LRRC7: variants seen among roughly 807,000 people sequenced by gnomAD.
The protein encoded by LRRC7 is leucine-rich repeat-containing protein 7.
A neutral mutation model predicts 175.7 loss-of-function variants in LRRC7; 23 were observed. The observed-to-expected ratio is 0.13, with a 90% CI of 0.09 to 0.19. LRRC7 has a LOEUF of 0.19. Ranked by LOEUF, LRRC7 falls within the 10% of genes least tolerant of loss-of-function variation. The probability of loss-of-function intolerance (pLI) is 1.00; values close to 1 mark genes in which losing one functional copy is unlikely to be tolerated. For missense variants in LRRC7, 1,354 were observed against 1,904.7 expected (o/e 0.71, Z 5.38); for synonymous variants, 685 against 680.9 (o/e 1.01, Z -0.09).
chr1:69,910,952 T>G (rs1414288090), intron 7 of LRRC7, among the ~76,000 whole-genome samples: 1 of 152,204 alleles, frequency 6.6e-6, no homozygotes, highest in Non-Finnish European at 1.5e-5. Flanking sequence ...GATCTCAGAC[T>G]GCTATGCCAG....
rs546467789 is a variant in LRRC7, at chr1:70,132,596, C to G, written c.*10709C>G. Among the ~76,000 whole-genome samples the G allele has an allele frequency of 6.6e-6, 1 of 150,464 alleles. No homozygotes were observed. The highest frequency in any genetic ancestry group is 2.4e-5 in the African/African-American group (1 of 41,040). On this transcript the variant is annotated 3_prime_UTR_variant, in exon 27 of 27. Coordinates refer to ENST00000651989, the MANE Select transcript of LRRC7 (RefSeq NM_001370785.2). ...AAGCGATTCTCCTGCCTCAGCCTCC[C>G]GAGTAGCTGGGATTACAGGCGCCTG...
At chr1:69,610,402 A>G (rs142423529) in intron 1 of LRRC7, among the ~76,000 whole-genome samples, 178 of 152,116 alleles carry the variant, frequency 1.2e-3, no homozygotes, top group African/African-American at 4.0e-3. Flanking sequence ...TCAGTGAGAC[A>G]AGATTGGTCA....
chr1:70,015,172 C>T (rs542283184), intron 13 of LRRC7, among the ~76,000 whole-genome samples: 10 of 151,698 alleles, frequency 6.6e-5, no homozygotes, highest in South Asian at 4.1e-4. Flanking sequence ...AAAAGAATTG[C>T]GATATAATTT....
At chr1:69,647,183 G>A (rs1432702039) in intron 1 of LRRC7, among the ~76,000 whole-genome samples, 5 of 152,094 alleles carry the variant, frequency 3.3e-5, no homozygotes, top group Admixed American at 6.6e-5. Context: ...TAAATGGGCA[G>A]AAAATTAGCC....
intron 25 of LRRC7, among the ~76,000 whole-genome samples, chr1:70,106,794 C>T (rs1262075719): frequency 1.3e-5 from 2 of 152,232 alleles, no homozygotes. Context: ...TGTCCCCTCT[C>T]TCTGCAATTT....
At chr1:69,975,226 A>G (rs1451775315) in intron 8 of LRRC7, among the ~76,000 whole-genome samples, 1 of 152,192 alleles carries the variant, frequency 6.6e-6, no homozygotes, top group Non-Finnish European at 1.5e-5. Context: ...CAATTTATGC[A>G]GTGCATCACA....
At chr1:69,698,877 A>C (rs1017702899) in intron 2 of LRRC7, among the ~76,000 whole-genome samples, 6 of 152,132 alleles carry the variant, frequency 3.9e-5, no homozygotes, top group African/African-American at 1.4e-4. Context: ...TCTTCATTCA[A>C]ATTTTAGATT....
chr1:70,097,715 G>C (rs1400670355), intron 25 of LRRC7, among the ~76,000 whole-genome samples: 1 of 150,482 alleles, frequency 6.6e-6, no homozygotes, highest in Non-Finnish European at 1.5e-5. Context: ...TGCGGTGTTT[G>C]GTTTTTTGTT....
Position 69,955,048 on chromosome 1 carries a change from T to C in LRRC7, c.711+23478T>C, listed in dbSNP as rs559811269. ...ATTTCTTCGTTCATTCAACAACTCT[T>C]AGATGAATGAATACAGCCCATGACT... is the stretch of plus-strand genomic sequence containing the variant. On this transcript the variant is annotated intron_variant, in intron 8 of 26. Transcript: ENST00000651989. Among the ~76,000 whole-genome samples, 5 of 152,190 alleles carry C rather than the reference T, an allele frequency of 3.3e-5. No individual in the cohort carries two copies. In the South Asian group the frequency reaches 1.0e-3, roughly 32 times the overall value.
chr1:69,743,351 A>T (rs1396675818), intron 2 of LRRC7, among the ~76,000 whole-genome samples: 1 of 152,046 alleles, frequency 6.6e-6, no homozygotes, highest in Admixed American at 6.6e-5. Context: ...TGTCTTAAAG[A>T]TGATGATTGA....
intron 2 of LRRC7, among the ~76,000 whole-genome samples, chr1:69,730,978 G>A (rs1667509586): frequency 6.6e-6 from 1 of 152,086 alleles, no homozygotes; most frequent in African/African-American, 2.4e-5. Context: ...AAGCAGTGCC[G>A]AGAAAAAGGG....
chr1:69,810,157 G>A (rs1403688293), intron 4 of LRRC7, among the ~76,000 whole-genome samples: 2 of 152,078 alleles, frequency 1.3e-5, no homozygotes, highest in Non-Finnish European at 2.9e-5. Flanking sequence ...AATCATAAGT[G>A]AACTCCCATT....
chr1:69,796,143 G>C (rs1392840223), intron 4 of LRRC7, among the ~76,000 whole-genome samples: 1 of 108,056 alleles, frequency 9.3e-6, no homozygotes, highest in African/African-American at 3.8e-5. Flanking sequence ...AACAGTCCCT[G>C]GTGTGTGATG....
At chr1:69,924,272 C>T (rs1428867019) in intron 7 of LRRC7, among the ~76,000 whole-genome samples, 2 of 151,804 alleles carry the variant, frequency 1.3e-5, no homozygotes, top group Admixed American at 1.3e-4. Flanking sequence ...CTTAGGATTG[C>T]CTTGGCGATG....
intron 7 of LRRC7, among the ~76,000 whole-genome samples, chr1:69,885,211 C>T (rs1216143852): frequency 0.018 from 2,230 of 127,360 alleles, 83 homozygotes; most frequent in African/African-American, 0.068. Flanking sequence ...CTCCTTGTAC[C>T]TCTGGTAGAA....
At chr1:69,748,562 G>T (rs556686276) in intron 2 of LRRC7, among the ~76,000 whole-genome samples, 1 of 152,078 alleles carries the variant, frequency 6.6e-6, no homozygotes, top group Admixed American at 6.6e-5. Flanking sequence ...TAAAGTATTT[G>T]ATTAAAACAC....
intron 2 of LRRC7, among the ~76,000 whole-genome samples, chr1:69,750,762 G>A (rs937813252): frequency 6.6e-6 from 1 of 152,158 alleles, no homozygotes; most frequent in African/African-American, 2.4e-5. Flanking sequence ...CAGAAGAACA[G>A]AGCCTAAACT....
chr1:70,006,053 C>T (rs987595479), intron 11 of LRRC7, among the ~76,000 whole-genome samples: 6 of 151,522 alleles, frequency 4.0e-5, no homozygotes, highest in Non-Finnish European at 7.4e-5. Context: ...GTTTTAATAC[C>T]GGATTTTGTA....
At chr1:69,886,308 G>C (rs1283863660) in intron 7 of LRRC7, among the ~76,000 whole-genome samples, 1 of 151,100 alleles carries the variant, frequency 6.6e-6, no homozygotes, top group Non-Finnish European at 1.5e-5. Flanking sequence ...CTCCTGTATT[G>C]GGTGCATATA....
Sources: gnomAD v4.1 joint callset for allele counts (sites outside exome capture counted in the v4.1 genomes callset) on GRCh38, gnomAD v4.1.1 for gene constraint, MANE v1.5 for transcripts, NCBI Gene and HGNC (gene_info 2026-07-23, HGNC 2026-07-21) for gene names.